CCDC88A: variants seen among roughly 807,000 people sequenced by gnomAD.
CCDC88A encodes coiled-coil and HOOK domain protein 88A.
A neutral mutation model predicts 234.3 loss-of-function variants in CCDC88A; 54 were observed. That is an observed-to-expected ratio of 0.23 (90% CI 0.19 to 0.29). The LOEUF is 0.29. CCDC88A is among the 10% of genes least tolerant of loss of function. CCDC88A has a pLI of 1.00. For missense variants in CCDC88A, 1,832 were observed against 2,123.4 expected, an observed-to-expected ratio of 0.86 and a Z score of 2.70; for synonymous variants, 753 against 737.8, an observed-to-expected ratio of 1.02 and a Z score of -0.33.
In CCDC88A at chr2:55,349,616, T is replaced by C; in HGVS notation, c.801-17A>G. The C allele has an allele frequency of 1.3e-6, 2 of 1,559,788 alleles. No homozygotes were observed. Among genetic ancestry groups the C allele is most frequent in the Non-Finnish European group, 1.8e-6 (2 of 1,135,638 alleles). On this transcript the variant is annotated splice_polypyrimidine_tract_variant and intron_variant, in intron 8 of 32. Coordinates refer to ENST00000436346, the MANE Select transcript of CCDC88A (RefSeq NM_001365480.1). ...TTTTCCTCCCTTAAATGCAAAAATA[T>C]ATTCATTAAGTATACTATTTTTGAA...
intron 18 of CCDC88A, 49 bp downstream of exon 18, chr2:55,322,479 C>G (rs1280283646): frequency 2.8e-6 from 3 of 1,054,244 alleles, no homozygotes; most frequent in Middle Eastern, 2.6e-4. Flanking sequence ...ATCCAGTGAT[C>G]CTCTATTTCT....
At chr2:55,385,117 C>G (rs1422296628) in intron 3 of CCDC88A, among the ~76,000 whole-genome samples, 1 of 152,016 alleles carries the variant, frequency 6.6e-6, no homozygotes, top group Non-Finnish European at 1.5e-5. Context: ...CACTGCCACC[C>G]CCACCACTGC....
intron 16 of CCDC88A, among the ~76,000 whole-genome samples, chr2:55,330,606 T>C (rs1172539161): frequency 2.0e-5 from 3 of 152,218 alleles, no homozygotes. Context: ...GGGTTTTTTT[T>C]GTGACATAAA....
intron 5 of CCDC88A, among the ~76,000 whole-genome samples, chr2:55,365,261 T>C (rs917427392): frequency 1.9e-4 from 29 of 152,068 alleles, no homozygotes; most frequent in Non-Finnish European, 2.9e-4. Context: ...TTCTAGCAAA[T>C]AATACTTGAC....
intron 3 of CCDC88A, among the ~76,000 whole-genome samples, chr2:55,382,383 T>C (rs986953363): frequency 2.7e-4 from 41 of 152,360 alleles, no homozygotes; most frequent in African/African-American, 9.1e-4. Context: ...TGTTCTTTCC[T>C]TTGCAGCCTC....
At position 55,419,691 on chromosome 2, in the gene CCDC88A, GC is replaced by G. The variant is rs1414867848; in HGVS notation, c.-613del. ...CATTCCTCCGCCGCCCTCAAGCCTC[GC>G]CTCCAGCCCCCTTCCCCTCCCGGGG... On this transcript the variant is annotated 5_prime_UTR_variant, in exon 1 of 33. Transcript: ENST00000436346. 2 of 150,790 alleles carry G rather than the reference GC, an allele frequency of 1.3e-5. No individual in the cohort carries two copies. The highest frequency in any genetic ancestry group is 2.9e-5 in the Non-Finnish European group (2 of 68,040). 9.3% of individuals were successfully genotyped at this position (150,790 alleles called of 1,614,324 possible).
chr2:55,398,724 G>A (rs1474067045), intron 2 of CCDC88A, among the ~76,000 whole-genome samples: 3 of 152,068 alleles, frequency 2.0e-5, no homozygotes, highest in African/African-American at 7.2e-5. Flanking sequence ...ACTACCCTGG[G>A]CAACACAGTG....
At chr2:55,358,969 T>C (rs1219782051) in intron 7 of CCDC88A, among the ~76,000 whole-genome samples, 1 of 152,142 alleles carries the variant, frequency 6.6e-6, no homozygotes, top group Non-Finnish European at 1.5e-5. Flanking sequence ...GTGTATTTTC[T>C]TACTGTCTCA....
intron 2 of CCDC88A, chr2:55,394,778 G>T (rs984177047): frequency 6.6e-6 from 1 of 150,664 alleles, no homozygotes; most frequent in Non-Finnish European, 1.5e-5. Flanking sequence ...CTGCATGTTG[G>T]GCATATGTAC....
rs1684137049 is a variant in CCDC88A at position 55,325,380 on chromosome 2, T to C, written c.2998-2688A>G. On this transcript the variant is annotated intron_variant, in intron 17 of 32. Transcript: ENST00000436346. ...ATAAAATAGGTTTTTATATATTGAC[T>C]TTTATCCTGTGACATTGATTAGTTC... 1.3e-5 allele frequency among the ~76,000 whole-genome samples: 2 copies of C among 152,242 alleles called. 1 individual carries two copies. The highest frequency in any genetic ancestry group is 4.1e-4 in the South Asian group (2 of 4,836).
chr2:55,369,627 A>G (rs1464171380), intron 5 of CCDC88A, among the ~76,000 whole-genome samples: 1 of 151,016 alleles, frequency 6.6e-6, no homozygotes, highest in Admixed American at 6.6e-5. Context: ...ATTTTTTTGT[A>G]TTTTTCTTTT....
At chr2:55,338,691 G>A (rs1231478327) in intron 13 of CCDC88A, among the ~76,000 whole-genome samples, 2 of 152,192 alleles carry the variant, frequency 1.3e-5, no homozygotes, top group African/African-American at 4.8e-5. Context: ...TTTTGTCATG[G>A]CAGAAAGCAA....
At chr2:55,379,857 G>A (rs996348736) in intron 3 of CCDC88A, among the ~76,000 whole-genome samples, 2 of 151,994 alleles carry the variant, frequency 1.3e-5, no homozygotes, top group African/African-American at 4.8e-5. Context: ...GGGTTGCGGT[G>A]AGCCAAGATT....
intron 28 of CCDC88A, 119 bp from the exon 29 acceptor site, chr2:55,300,038 A>C (rs1489245915): frequency 1.4e-6 from 1 of 703,252 alleles, no homozygotes; most frequent in Non-Finnish European, 2.5e-6. Flanking sequence ...TCACAAGATG[A>C]GCATGCCCAG....
chr2:55,312,273 G>A (rs1451016828), intron 23 of CCDC88A, among the ~76,000 whole-genome samples, 161 bp downstream of exon 23: 1 of 152,062 alleles, frequency 6.6e-6, no homozygotes, highest in African/African-American at 2.4e-5. Context: ...GTGTTTTCAT[G>A]TTAGTATTTC....
In CCDC88A at chr2:55,343,698, T is replaced by G. The variant is rs1031159167; in HGVS notation, c.1283A>C (p.His428Pro). ...AQKQSMDESL[H>P]LGWELEQISR... The stretch of plus-strand genomic sequence containing the variant: ...TATCTGTTCCAGTTCCCAGCCAAGA[T>G]GTAATGATTCATCCATACTTTGTTT... The change falls in exon 12 of 33, where the codon CAT becomes CCT. Residue 428 changes from histidine to proline, a missense_variant. By Grantham distance (77) the His-to-Pro change is moderately conservative. Transcript: ENST00000436346. The G allele has an allele frequency of 1.2e-6, 2 of 1,612,226 alleles. No individual in the cohort carries two copies. Among genetic ancestry groups the G allele is most frequent in the Non-Finnish European group, 1.7e-6 (2 of 1,178,946 alleles).
At chr2:55,336,877 TCAA>T in intron 13 of CCDC88A, 59 bp from the exon 14 acceptor site, 1 of 1,127,366 alleles carries the variant, frequency 8.9e-7, no homozygotes, top group Non-Finnish European at 1.3e-6. Flanking sequence ...TGAAAACATG[TCAA>T]AACAAAACAT....
chr2:55,418,100 A>T (rs561481537), intron 2 of CCDC88A: 1 of 152,296 alleles, frequency 6.6e-6, no homozygotes, highest in African/African-American at 2.4e-5. Context: ...TCTCAAAAGC[A>T]TACTTTCCTA....
intron 2 of CCDC88A, among the ~76,000 whole-genome samples, chr2:55,400,008 A>T (rs761896141): frequency 1.3e-5 from 2 of 152,204 alleles, no homozygotes; most frequent in Non-Finnish European, 2.9e-5. Flanking sequence ...AACAAACAGT[A>T]TGGTATGACT....
Sources: allele counts gnomAD v4.1 joint callset (sites outside exome capture counted in the v4.1 genomes callset), GRCh38; gene constraint gnomAD v4.1.1; transcripts MANE v1.5; gene names NCBI Gene and HGNC (gene_info 2026-07-23, HGNC 2026-07-21).